ENTHD1: variants seen among roughly 807,000 people sequenced by gnomAD.
The protein encoded by ENTHD1 is ENTH domain-containing protein 1.
ENTHD1 carries 23 observed loss-of-function variants against 39.1 expected under a neutral mutation model. The observed-to-expected ratio is 0.59, with a 90% CI of 0.42 to 0.83. The LOEUF is 0.83. ENTHD1 is among the 40% of genes least tolerant of loss of function. ENTHD1 has a pLI of 0.00. For synonymous variants in ENTHD1, 230 were observed against 258.2 expected (o/e 0.89, Z 1.05); for missense variants, 624 against 705.4 (o/e 0.88, Z 1.31).
rs539408907 is a variant in ENTHD1 at position 39,821,457 on chromosome 22, T to A, written c.712-344A>T. 8.9e-4 allele frequency among the ~76,000 whole-genome samples: 136 copies of A among 152,344 alleles called. 2 individuals carry two copies. In the South Asian group the frequency reaches 0.018, roughly 21 times the overall value. On this transcript the variant is annotated intron_variant, in intron 4 of 6. Transcript: ENST00000325157. ...ATCATAAAGTCACCTGTATATATCT[T>A]TTATTCATATTTAAAACTTTTAACT...
rs2066189171 is a variant in ENTHD1, at chr22:39,867,138, C to A, written c.350-5131G>T. Among the ~76,000 whole-genome samples the A allele has an allele frequency of 1.3e-5, 2 of 152,136 alleles. 1 individual carries two copies. Among genetic ancestry groups the A allele is most frequent in the South Asian group, 4.2e-4 (2 of 4,818 alleles). On this transcript the variant is annotated intron_variant, in intron 2 of 6. Transcript: ENST00000325157. This position sits in a 1 kb window ranked among gnomAD's most constrained non-coding sequence, Gnocchi z 4.5. ...CAGGATGGTCTTGATCTCCTGACCT[C>A]ACGATCCACCCACCTCAGCCTCCCA... is the stretch of plus-strand genomic sequence containing the variant.
chr22:39,815,931 T>C (rs964153675), intron 5 of ENTHD1, among the ~76,000 whole-genome samples: 2 of 151,934 alleles, frequency 1.3e-5, no homozygotes, highest in Non-Finnish European at 2.9e-5. Flanking sequence ...TTGTGTAGAG[T>C]ATAAACATGT....
chr22:39,755,914 C>T (rs939259678), intron 6 of ENTHD1, among the ~76,000 whole-genome samples: 1 of 152,074 alleles, frequency 6.6e-6, no homozygotes, highest in Admixed American at 6.5e-5. Context: ...AGGTGTCTTG[C>T]CTAAGGTTGC....
intron 3 of ENTHD1, among the ~76,000 whole-genome samples, chr22:39,859,911 C>T (rs1422621747): frequency 2.0e-5 from 3 of 152,144 alleles, no homozygotes; most frequent in East Asian, 3.8e-4. Context: ...AAAGTGCAAT[C>T]GATCGAGGTA....
At chr22:39,796,758 T>C (rs982399484) in intron 5 of ENTHD1, among the ~76,000 whole-genome samples, 5 of 152,224 alleles carry the variant, frequency 3.3e-5, no homozygotes, top group African/African-American at 1.2e-4. Context: ...CAATTTTGAT[T>C]TTTAAAAATA....
At chr22:39,887,142 C>A (rs1349791003) in intron 2 of ENTHD1, among the ~76,000 whole-genome samples, 1 of 152,162 alleles carries the variant, frequency 6.6e-6, no homozygotes, top group Non-Finnish European at 1.5e-5. Flanking sequence ...CTCTTCCCCA[C>A]CTCCTGGTAT....
rs752567152 is a variant in ENTHD1 at position 39,887,772 on chromosome 22, G to A, written c.-24C>T. 1.5e-5 allele frequency: 22 copies of A among 1,488,106 alleles called. No individual in the cohort carries two copies. The highest frequency in any genetic ancestry group is 2.7e-5 in the South Asian group (2 of 75,082). 92.2% of individuals were successfully genotyped at this position (1,488,106 alleles called of 1,614,324 possible). ...ATAAGTAATACAAGTTCCAAGGTGAGATGGAGGATGAAAGCAATGGAATAA... is the reference window on the plus strand; with the variant it reads ...ATAAGTAATACAAGTTCCAAGGTGAAATGGAGGATGAAAGCAATGGAATAA... On this transcript the variant is annotated 5_prime_UTR_variant, in exon 2 of 7. Transcript: ENST00000325157.
Position 39,831,579 on chromosome 22 carries a change from C to G in ENTHD1, c.711+4261G>C, listed in dbSNP as rs151159233. Among the ~76,000 whole-genome samples the G allele has an allele frequency of 8.3e-4, 127 of 152,288 alleles. No individual in the cohort carries two copies. In the East Asian group the frequency reaches 0.022, roughly 26 times the overall value. On this transcript the variant is annotated intron_variant, in intron 4 of 6. Coordinates refer to ENST00000325157, the MANE Select transcript of ENTHD1 (RefSeq NM_152512.4). ...GTGGCTCATGACTGTAATCCCAACA[C>G]TTTGGGAAGCCAAGGCGGGCGGATC...
At chr22:39,745,692 A>T (rs1346196973) in intron 6 of ENTHD1, among the ~76,000 whole-genome samples, 1 of 152,234 alleles carries the variant, frequency 6.6e-6, no homozygotes, top group Admixed American at 6.5e-5. Context: ...AAAGGTGGAA[A>T]GATGGTAGTG....
Position 39,839,722 on chromosome 22 carries a change from T to G in ENTHD1, c.593-3764A>C, listed in dbSNP as rs184391054. ...GGATTTAATCAACTACATTATCACTTGCTCGGCATTCAGCAACTAAATTAT... is the reference window on the plus strand; with the variant it reads ...GGATTTAATCAACTACATTATCACTGGCTCGGCATTCAGCAACTAAATTAT... On this transcript the variant is annotated intron_variant, in intron 3 of 6. Coordinates refer to ENST00000325157, the MANE Select transcript of ENTHD1 (RefSeq NM_152512.4). 3.3e-5 allele frequency among the ~76,000 whole-genome samples: 5 copies of G among 152,364 alleles called. No homozygotes were observed. The East Asian group carries it at 7.7e-4, about 23-fold the overall frequency.
chr22:39,820,972 C>G, intron 5 of ENTHD1, 21 bp downstream of exon 5: 1 of 1,613,122 alleles, frequency 6.2e-7, no homozygotes, highest in Non-Finnish European at 8.5e-7. Context: ...AAGTAAACTT[C>G]CTATTCCTTA....
At chr22:39,836,160 A>C (rs1377073533) in intron 3 of ENTHD1, among the ~76,000 whole-genome samples, 4 of 152,190 alleles carry the variant, frequency 2.6e-5, no homozygotes, top group Non-Finnish European at 5.9e-5. Context: ...ACTGATTTTA[A>C]AAATACAACT....
intron 2 of ENTHD1, among the ~76,000 whole-genome samples, chr22:39,885,674 A>C (rs1488879120): frequency 6.6e-6 from 1 of 152,254 alleles, no homozygotes; most frequent in African/African-American, 2.4e-5. Context: ...GTTCTGATAC[A>C]TCCTACAACA....
chr22:39,883,811 G>C (rs970848338), intron 2 of ENTHD1, among the ~76,000 whole-genome samples: 1 of 137,216 alleles, frequency 7.3e-6, no homozygotes, highest in Admixed American at 8.1e-5. Context: ...CTGAGATCAT[G>C]CCACTGCACT....
At chr22:39,875,265 T>C (rs987310539) in intron 2 of ENTHD1, 2 of 1,201,212 alleles carry the variant, frequency 1.7e-6, no homozygotes, top group Non-Finnish European at 1.0e-6. Flanking sequence ...TAAGAACAAA[T>C]GCAACAAATC....
chr22:39,798,225 A>ATTT (rs1442561734), intron 5 of ENTHD1, among the ~76,000 whole-genome samples: 2 of 151,634 alleles, frequency 1.3e-5, no homozygotes, highest in Non-Finnish European at 1.5e-5. Context: ...GTTCTAGTCT[A>ATTT]TTGTTGAAGC....
intron 3 of ENTHD1, among the ~76,000 whole-genome samples, chr22:39,847,225 A>G (rs1451091456): frequency 1.3e-5 from 2 of 152,030 alleles, no homozygotes; most frequent in Non-Finnish European, 2.9e-5. Flanking sequence ...TGTTAGGGAC[A>G]TGGATGAAAT....
At chr22:39,836,823 C>G (rs549074985) in intron 3 of ENTHD1, among the ~76,000 whole-genome samples, 1 of 152,292 alleles carries the variant, frequency 6.6e-6, no homozygotes, top group South Asian at 2.1e-4. Flanking sequence ...CCGCTTCGCT[C>G]TCTTCCTCCT....
intron 5 of ENTHD1, among the ~76,000 whole-genome samples, chr22:39,798,109 T>G (rs887728634): frequency 6.6e-6 from 1 of 152,094 alleles, no homozygotes; most frequent in African/African-American, 2.4e-5. Context: ...ACACATAGGT[T>G]TTGTTTGTTC....
Sources: gnomAD v4.1 joint callset for allele counts (sites outside exome capture counted in the v4.1 genomes callset) on GRCh38, gnomAD v4.1.1 for gene constraint, Gnocchi (gnomAD v3.1) non-coding constraint, MANE v1.5 for transcripts, NCBI Gene and HGNC (gene_info 2026-07-23, HGNC 2026-07-21) for gene names.